Variants in PAQR5 observed in about 807,000 individuals in gnomAD.
The protein encoded by PAQR5 is progestin and adipoQ receptor family member 5, also known as membrane progestin receptor gamma.
In PAQR5, 20 loss-of-function variants were observed where a neutral mutation model predicts 34.5. The observed-to-expected ratio is 0.58, with a 90% CI of 0.41 to 0.84. The LOEUF (loss-of-function observed/expected upper bound fraction) is 0.84, where lower values mean the gene tolerates loss of function less well. PAQR5 is among the 40% of genes least tolerant of loss of function. The pLI is 0.00. For missense variants in PAQR5, 378 were observed against 412.7 expected, an observed-to-expected ratio of 0.92 and a Z score of 0.73; for synonymous variants, 131 against 155.6, an observed-to-expected ratio of 0.84 and a Z score of 1.18.
chr15:69,394,561 T>G (rs1595938567), intron 6 of PAQR5, among the ~76,000 whole-genome samples: 1 of 152,344 alleles, frequency 6.6e-6, no homozygotes, highest in Non-Finnish European at 1.5e-5. Context: ...CCTTCCAGCT[T>G]TTTTGTCAGA....
intron 1 of PAQR5, among the ~76,000 whole-genome samples, chr15:69,315,342 A>C (rs2053922777): frequency 6.6e-6 from 1 of 152,140 alleles, no homozygotes; most frequent in South Asian, 2.1e-4. Flanking sequence ...TGAATAATAA[A>C]AGAAAAGAAA....
chr15:69,306,569 T>C (rs2053721624), intron 1 of PAQR5, among the ~76,000 whole-genome samples: 1 of 151,828 alleles, frequency 6.6e-6, no homozygotes, highest in South Asian at 2.1e-4. Flanking sequence ...ACACCACCAC[T>C]AATTTTTGTA....
intron 4 of PAQR5, 47 bp downstream of exon 4, chr15:69,380,057 G>A (rs779074909): frequency 6.2e-7 from 1 of 1,604,456 alleles, no homozygotes; most frequent in African/African-American, 1.3e-5. Context: ...AGGAGCCCTG[G>A]AGACCAGGGT....
chr15:69,316,344 G>A (rs769953532), intron 1 of PAQR5, among the ~76,000 whole-genome samples: 16 of 152,214 alleles, frequency 1.1e-4, no homozygotes, highest in Admixed American at 3.9e-4. Context: ...GCCTCCCAAG[G>A]TTCTGGGATT....
At chr15:69,364,242 G>A (rs1384221998) in intron 3 of PAQR5, among the ~76,000 whole-genome samples, 5 of 151,908 alleles carry the variant, frequency 3.3e-5, no homozygotes, top group Non-Finnish European at 5.9e-5. Flanking sequence ...ACAGGTAAAT[G>A]GTTTCTCCAG....
intron 2 of PAQR5, among the ~76,000 whole-genome samples, chr15:69,359,450 C>T (rs1218811378): frequency 2.0e-5 from 3 of 152,090 alleles, no homozygotes; most frequent in South Asian, 2.1e-4. Flanking sequence ...CTTTTAAGGG[C>T]TCACAACTCT....
intron 2 of PAQR5, among the ~76,000 whole-genome samples, chr15:69,352,720 C>A (rs2054953589): frequency 6.6e-6 from 1 of 152,198 alleles, no homozygotes; most frequent in African/African-American, 2.4e-5. Flanking sequence ...GAGCAGGGCA[C>A]CTGGTCATGC....
chr15:69,368,219 A>C (rs1439458760), intron 3 of PAQR5, among the ~76,000 whole-genome samples: 2 of 152,130 alleles, frequency 1.3e-5, no homozygotes, highest in African/African-American at 4.8e-5. Context: ...CGCCTGGCTA[A>C]TTTTTGTATT....
At chr15:69,322,769 A>AGAAGAAGAC (rs1566997979) in intron 1 of PAQR5, among the ~76,000 whole-genome samples, 1 of 29,572 alleles carries the variant, frequency 3.4e-5, no homozygotes, top group Non-Finnish European at 7.3e-5. Context: ...AAGAAGAAGA[A>AGAAGAAGAC]GAGGGAGAAG....
chr15:69,383,248 T>C (rs1595920051), intron 4 of PAQR5, among the ~76,000 whole-genome samples: 10 of 121,486 alleles, frequency 8.2e-5, no homozygotes, highest in Middle Eastern at 3.8e-3. Flanking sequence ...GTCCTCCATG[T>C]TCATCATGGA....
At chr15:69,395,519 G>A (rs1344528539) in intron 6 of PAQR5, among the ~76,000 whole-genome samples, 1 of 152,332 alleles carries the variant, frequency 6.6e-6, no homozygotes, top group East Asian at 1.9e-4. Context: ...TGTTTAGTCT[G>A]TGCGACTGTG....
At chr15:69,343,073 T>G (rs1455149815) in intron 2 of PAQR5, among the ~76,000 whole-genome samples, 1 of 152,234 alleles carries the variant, frequency 6.6e-6, no homozygotes, top group East Asian at 1.9e-4. Flanking sequence ...TTTAACAAAA[T>G]CCAGACATCC....
chr15:69,364,469 TTA>T (rs2055330483), intron 3 of PAQR5, among the ~76,000 whole-genome samples: 1 of 147,900 alleles, frequency 6.8e-6, no homozygotes. Context: ...GTAATATATA[TTA>T]TATATGTAAT....
intron 8 of PAQR5, among the ~76,000 whole-genome samples, chr15:69,401,493 G>A (rs1177125298): frequency 1.3e-5 from 2 of 152,210 alleles, no homozygotes; most frequent in Non-Finnish European, 2.9e-5. Flanking sequence ...CATCCTGACT[G>A]CCATGTCCAC....
intron 1 of PAQR5, among the ~76,000 whole-genome samples, chr15:69,322,443 T>C (rs1033002250): frequency 6.7e-6 from 1 of 148,970 alleles, no homozygotes; most frequent in Non-Finnish European, 1.5e-5. Flanking sequence ...CACTCCAGCC[T>C]GGATGACAGA....
intron 1 of PAQR5, among the ~76,000 whole-genome samples, chr15:69,316,458 G>A (rs867595176): frequency 5.9e-5 from 9 of 152,148 alleles, no homozygotes; most frequent in South Asian, 2.1e-4. Flanking sequence ...CAATAATGAC[G>A]TTGTGTCACA....
chr15:69,344,319 C>T (rs1004419616), intron 2 of PAQR5, among the ~76,000 whole-genome samples: 1 of 152,208 alleles, frequency 6.6e-6, no homozygotes, highest in African/African-American at 2.4e-5. Flanking sequence ...TATACCATAG[C>T]TGTCATGCCA....
chr15:69,306,412 CT>C (rs34752383), intron 1 of PAQR5, among the ~76,000 whole-genome samples: 4,272 of 127,496 alleles, frequency 0.034, 114 homozygotes, highest in African/African-American at 0.11. Context: ...ACCATTTAAC[CT>C]TTTTTTTTTT....
intron 2 of PAQR5, among the ~76,000 whole-genome samples, chr15:69,340,862 C>A (rs868863012): frequency 6.6e-6 from 1 of 152,106 alleles, no homozygotes; most frequent in Admixed American, 6.5e-5. Flanking sequence ...GTGGGGGAGG[C>A]AGTTTGCAGC....
Sources: allele counts gnomAD v4.1 joint callset (sites outside exome capture counted in the v4.1 genomes callset), GRCh38; gene constraint gnomAD v4.1.1; transcripts MANE v1.5; gene names NCBI Gene and HGNC (gene_info 2026-07-23, HGNC 2026-07-21).